HPSE2: variants seen among roughly 807,000 people sequenced by gnomAD.
HPSE2 encodes the protein inactive heparanase-2.
In HPSE2, 38 loss-of-function variants were observed where a neutral mutation model predicts 60.5. The observed-to-expected ratio is 0.63, with a 90% CI of 0.48 to 0.82. The LOEUF (loss-of-function observed/expected upper bound fraction) is 0.82. Ranked by LOEUF, HPSE2 falls within the 40% of genes least tolerant of loss-of-function variation. The pLI, the probability that HPSE2 is intolerant of heterozygous loss-of-function variation, is 0.00. For synonymous variants in HPSE2, 295 were observed against 293.2 expected (o/e 1.01, Z -0.06); for missense variants, 713 against 740.4 (o/e 0.96, Z 0.43).
intron 2 of HPSE2, among the ~76,000 whole-genome samples, chr10:99,195,083 A>C (rs1001938822): frequency 6.6e-6 from 1 of 152,168 alleles, no homozygotes; most frequent in African/African-American, 2.4e-5. Flanking sequence ...CGACATAGGC[A>C]AATCAATCAG....
chr10:98,979,178 C>G (rs532872764), intron 3 of HPSE2, among the ~76,000 whole-genome samples: 1 of 151,930 alleles, frequency 6.6e-6, no homozygotes, highest in African/African-American at 2.4e-5. Flanking sequence ...CCTTCAGGCA[C>G]CAGCTAGAGG....
intron 3 of HPSE2, among the ~76,000 whole-genome samples, chr10:98,871,986 C>A (rs544256520): frequency 2.0e-5 from 3 of 152,266 alleles, no homozygotes; most frequent in Admixed American, 2.0e-4. Flanking sequence ...CAATTTACTT[C>A]TTTGTCCTTG....
At chr10:99,287,519 T>G in the HPSE2 span, among the ~76,000 whole-genome samples, 4 of 152,100 alleles carry the variant, frequency 2.6e-5, no homozygotes, top group Non-Finnish European at 5.9e-5. Flanking sequence ...CAGGGGTGTG[T>G]GGCTTGGAGT....
intron 3 of HPSE2, among the ~76,000 whole-genome samples, chr10:99,057,719 C>T (rs1242007484): frequency 5.3e-5 from 8 of 152,208 alleles, no homozygotes; most frequent in Non-Finnish European, 1.2e-4. Flanking sequence ...CCTTTCCCAA[C>T]ATTAACCCAG....
chr10:98,575,075 G>A (rs576728413), intron 9 of HPSE2, among the ~76,000 whole-genome samples: 1 of 152,292 alleles, frequency 6.6e-6, no homozygotes, highest in South Asian at 2.1e-4. Context: ...AACCACTGTA[G>A]GGAAAGAGCC....
intron 3 of HPSE2, among the ~76,000 whole-genome samples, chr10:99,080,938 T>C (rs1408222126): frequency 6.6e-6 from 1 of 152,208 alleles, no homozygotes; most frequent in Non-Finnish European, 1.5e-5. Context: ...TTTGAAGCTA[T>C]GTTTCTTGAA....
At chr10:99,181,419 A>AAAAAAAAAAAAAC in intron 2 of HPSE2, among the ~76,000 whole-genome samples, 1 of 138,640 alleles carries the variant, frequency 7.2e-6, no homozygotes, top group African/African-American at 2.5e-5. Context: ...AAAAAAAAAA[A>AAAAAAAAAAAAAC]AAGACACACG....
Position 98,706,827 on chromosome 10 carries a change from A to G in HPSE2, c.957-12880T>C, listed in dbSNP as rs1025037334. Among the ~76,000 whole-genome samples the G allele has an allele frequency of 3.3e-5, 5 of 152,324 alleles. No homozygotes were observed. The East Asian group carries it at 5.8e-4, about 18-fold the overall frequency. On this transcript the variant is annotated intron_variant, in intron 5 of 11. Coordinates refer to ENST00000370552, the MANE Select transcript of HPSE2 (RefSeq NM_021828.5). ...CTAGGAGCTACCCTGTGTTGCCTTTATAAGTCTGGCCTTTACCCTTAACAA... is the reference window on the plus strand; with the variant it reads ...CTAGGAGCTACCCTGTGTTGCCTTTGTAAGTCTGGCCTTTACCCTTAACAA...
intron 3 of HPSE2, among the ~76,000 whole-genome samples, chr10:98,945,952 C>T (rs543747106): frequency 1.9e-4 from 29 of 151,944 alleles, no homozygotes; most frequent in South Asian, 1.0e-3. Flanking sequence ...TTGAACTGTG[C>T]GGGTCAACTT....
chr10:99,053,893 A>AATT (rs1265803424), intron 3 of HPSE2, among the ~76,000 whole-genome samples: 2 of 150,168 alleles, frequency 1.3e-5, no homozygotes, highest in East Asian at 4.0e-4. Flanking sequence ...ACGCCCAGAT[A>AATT]ATTTTTTTTT....
intron 3 of HPSE2, among the ~76,000 whole-genome samples, chr10:98,771,562 G>A (rs1347681801): frequency 6.6e-6 from 1 of 152,158 alleles, no homozygotes; most frequent in Non-Finnish European, 1.5e-5. Flanking sequence ...GCCCAACTAA[G>A]AAAACAAATG....
intron 3 of HPSE2, among the ~76,000 whole-genome samples, chr10:98,892,563 A>G (rs1953365901): frequency 6.6e-6 from 1 of 152,074 alleles, no homozygotes; most frequent in African/African-American, 2.4e-5. Flanking sequence ...CCTAAGCAGA[A>G]CTCTCTATTA....
chr10:99,272,336 A>T, the HPSE2 span, among the ~76,000 whole-genome samples: 1 of 152,206 alleles, frequency 6.6e-6, no homozygotes, highest in African/African-American at 2.4e-5. Flanking sequence ...TCTAGAAGGA[A>T]ACATTGGAAA....
At chr10:99,123,858 T>C (rs1382801700) in intron 3 of HPSE2, among the ~76,000 whole-genome samples, 1 of 152,124 alleles carries the variant, frequency 6.6e-6, no homozygotes, top group Admixed American at 6.5e-5. Context: ...GGGTAGCTCA[T>C]ATCCACAGGC....
intron 3 of HPSE2, among the ~76,000 whole-genome samples, chr10:98,842,146 T>C (rs1425674815): frequency 1.3e-5 from 2 of 152,198 alleles, no homozygotes; most frequent in East Asian, 3.9e-4. Flanking sequence ...GTACATTCTA[T>C]AAGTTTGGAC....
intron 9 of HPSE2, 120 bp downstream of exon 9, chr10:98,614,784 A>C: frequency 1.3e-6 from 1 of 778,606 alleles, no homozygotes; most frequent in Admixed American, 1.9e-5. Flanking sequence ...GTTTCTGTTC[A>C]ATGAATGAAA....
chr10:99,311,323 G>T, the HPSE2 span, among the ~76,000 whole-genome samples: 171 of 152,316 alleles, frequency 1.1e-3, no homozygotes, highest in African/African-American at 3.8e-3. Context: ...TGCAGACACT[G>T]TGTTTCTTAC....
intron 6 of HPSE2, among the ~76,000 whole-genome samples, chr10:98,656,082 GT>G (rs34294462): frequency 0.013 from 1,768 of 140,776 alleles, 11 homozygotes; most frequent in South Asian, 0.029. Flanking sequence ...TCCTATTTGA[GT>G]TTTTTTTTTT....
chr10:99,198,592 T>G (rs1468088384), intron 2 of HPSE2, among the ~76,000 whole-genome samples: 1 of 152,154 alleles, frequency 6.6e-6, no homozygotes, highest in South Asian at 2.1e-4. Context: ...GACCTAACTA[T>G]AGGTAAGACT....
Sources: allele counts gnomAD v4.1 joint callset (sites outside exome capture counted in the v4.1 genomes callset), GRCh38; gene constraint gnomAD v4.1.1; transcripts MANE v1.5; gene names NCBI Gene and HGNC (gene_info 2026-07-23, HGNC 2026-07-21).